ELMO1: variants seen among roughly 807,000 people sequenced by gnomAD.
The protein encoded by ELMO1 is engulfment and cell motility 1.
In ELMO1, 26 loss-of-function variants were observed where a neutral mutation model predicts 98.9. The observed-to-expected ratio is 0.26, with a 90% CI of 0.19 to 0.36. The LOEUF (loss-of-function observed/expected upper bound fraction) is 0.36, where lower values mean the gene tolerates loss of function less well. Ranked by LOEUF, ELMO1 falls within the 10% of genes least tolerant of loss-of-function variation. The pLI is 1.00. For missense variants in ELMO1, 627 were observed against 935.2 expected (o/e 0.67, Z 4.30); for synonymous variants, 346 against 346.0 (o/e 1.00, Z 0.00).
At chr7:37,063,972 C>T (rs1796810071) in intron 15 of ELMO1, among the ~76,000 whole-genome samples, 1 of 152,110 alleles carries the variant, frequency 6.6e-6, no homozygotes, top group Admixed American at 6.6e-5. Flanking sequence ...GCCAAATTGC[C>T]TAAATTCCTA....
chr7:37,200,120 C>A (rs1262774047), intron 13 of ELMO1, among the ~76,000 whole-genome samples: 1 of 152,142 alleles, frequency 6.6e-6, no homozygotes, highest in Non-Finnish European at 1.5e-5. Flanking sequence ...GTTGCCCAGG[C>A]TGGAATTCAG....
At chr7:37,373,032 C>T (rs965264983) in intron 1 of ELMO1, among the ~76,000 whole-genome samples, 9 of 152,162 alleles carry the variant, frequency 5.9e-5, no homozygotes, top group African/African-American at 1.9e-4. Flanking sequence ...GCTGTGTCAC[C>T]TACAGGGAAA....
chr7:37,207,388 T>C (rs927136506), intron 13 of ELMO1, among the ~76,000 whole-genome samples: 2 of 151,068 alleles, frequency 1.3e-5, no homozygotes, highest in African/African-American at 4.9e-5. Context: ...CTGTCTCTAC[T>C]AAAAATACAA....
At chr7:36,919,954 T>C (rs756478625) in intron 16 of ELMO1, among the ~76,000 whole-genome samples, 7 of 152,318 alleles carry the variant, frequency 4.6e-5, no homozygotes, top group African/African-American at 1.2e-4. Context: ...CCCTATGAGA[T>C]GCCAAAAGCC....
In ELMO1 at chr7:37,185,139, C is replaced by T. The variant is rs140807591; in HGVS notation, c.1086+26247G>A. On this transcript the variant is annotated intron_variant, in intron 13 of 21. Coordinates refer to ENST00000310758, the MANE Select transcript of ELMO1 (RefSeq NM_014800.11). ...AGTTATTCTGAATCAAATATGATAG[C>T]CTAAATGCAAAGGATCGACAGATTA... 7.9e-5 allele frequency among the ~76,000 whole-genome samples: 12 copies of T among 152,234 alleles called. No homozygotes were observed. In the East Asian group the frequency reaches 1.5e-3, roughly 20 times the overall value.
At chr7:37,341,772 T>C (rs1800735280) in intron 2 of ELMO1, among the ~76,000 whole-genome samples, 1 of 152,214 alleles carries the variant, frequency 6.6e-6, no homozygotes, top group South Asian at 2.1e-4. Context: ...TTGCCATGGT[T>C]ATTGTAATTT....
At chr7:36,858,050 G>T (rs1478206312) in intron 21 of ELMO1, among the ~76,000 whole-genome samples, 7 of 152,154 alleles carry the variant, frequency 4.6e-5, no homozygotes, top group Admixed American at 2.6e-4. Context: ...CTGTTTAAAA[G>T]CATGATTTCC....
At chr7:37,172,956 A>G (rs1230099919) in intron 13 of ELMO1, among the ~76,000 whole-genome samples, 2 of 152,178 alleles carry the variant, frequency 1.3e-5, no homozygotes, top group Non-Finnish European at 2.9e-5. Flanking sequence ...CTGTGCAAGG[A>G]GTAGAAGTCA....
chr7:37,303,859 G>A (rs1798472608), intron 4 of ELMO1, among the ~76,000 whole-genome samples: 1 of 152,146 alleles, frequency 6.6e-6, no homozygotes, highest in Non-Finnish European at 1.5e-5. Context: ...ATAAGCTAGG[G>A]AGCCTAAGCT....
At chr7:37,259,417 T>A in intron 5 of ELMO1, 67 bp from the exon 6 acceptor site, 1 of 1,550,158 alleles carries the variant, frequency 6.5e-7, no homozygotes. Flanking sequence ...CAGATTTATG[T>A]TTCAATGAGG....
At chr7:37,373,202 A>T (rs1484284448) in intron 1 of ELMO1, among the ~76,000 whole-genome samples, 5 of 152,248 alleles carry the variant, frequency 3.3e-5, no homozygotes, top group Non-Finnish European at 7.3e-5. Context: ...ACCTAAAGTG[A>T]AAAGCAAATC....
intron 19 of ELMO1, among the ~76,000 whole-genome samples, chr7:36,871,566 G>A (rs959014056): frequency 1.3e-5 from 2 of 152,130 alleles, no homozygotes; most frequent in African/African-American, 4.8e-5. Context: ...CCAAGAATTT[G>A]GGATGTGTGA....
chr7:37,337,967 C>T (rs1290721744), intron 2 of ELMO1, among the ~76,000 whole-genome samples: 1 of 152,186 alleles, frequency 6.6e-6, no homozygotes, highest in African/African-American at 2.4e-5. Context: ...CAGAGGATGC[C>T]TCCCACTTGT....
chr7:37,152,190 G>A (rs1292859264), intron 13 of ELMO1, among the ~76,000 whole-genome samples: 1 of 152,160 alleles, frequency 6.6e-6, no homozygotes, highest in Non-Finnish European at 1.5e-5. Flanking sequence ...ATGGTTCCAG[G>A]TACAGTCTAA....
At chr7:37,327,861 C>T (rs932944060) in intron 2 of ELMO1, among the ~76,000 whole-genome samples, 1 of 152,190 alleles carries the variant, frequency 6.6e-6, no homozygotes, top group Non-Finnish European at 1.5e-5. Context: ...AGGGTCTAAA[C>T]TATGCAAACA....
At chr7:37,430,128 C>G (rs1653345657) in intron 1 of ELMO1, among the ~76,000 whole-genome samples, 1 of 152,208 alleles carries the variant, frequency 6.6e-6, no homozygotes, top group Non-Finnish European at 1.5e-5. Context: ...AAAAATAGGG[C>G]TCTGGCCTAT....
At chr7:37,283,521 T>C (rs1310331941) in intron 4 of ELMO1, among the ~76,000 whole-genome samples, 1 of 152,228 alleles carries the variant, frequency 6.6e-6, no homozygotes, top group Non-Finnish European at 1.5e-5. Flanking sequence ...TAAACAGTAA[T>C]GGAATGTAAT....
At chr7:37,322,630 A>T (rs1192327720) in intron 2 of ELMO1, among the ~76,000 whole-genome samples, 2 of 151,502 alleles carry the variant, frequency 1.3e-5, no homozygotes, top group African/African-American at 4.9e-5. Flanking sequence ...TCCAAAAAAA[A>T]AAAAAAATAC....
At chr7:37,207,441 A>C (rs1792699927) in intron 13 of ELMO1, among the ~76,000 whole-genome samples, 1 of 151,924 alleles carries the variant, frequency 6.6e-6, no homozygotes, top group South Asian at 2.1e-4. Context: ...AGTCCCAGCT[A>C]TTCAGGATGC....
Sources: gnomAD v4.1 joint callset for allele counts (sites outside exome capture counted in the v4.1 genomes callset) on GRCh38, gnomAD v4.1.1 for gene constraint, MANE v1.5 for transcripts, NCBI Gene and HGNC (gene_info 2026-07-23, HGNC 2026-07-21) for gene names.